Variants in PPP3CA observed in about 807,000 individuals in gnomAD.
The protein encoded by PPP3CA is CAM-PRP catalytic subunit.
A neutral mutation model predicts 66.5 loss-of-function variants in PPP3CA; 14 were observed. The observed-to-expected ratio is 0.21, with a 90% CI of 0.14 to 0.33. The LOEUF is 0.33. PPP3CA is among the 10% of genes least tolerant of loss of function. PPP3CA has a pLI of 1.00. For missense variants in PPP3CA, 317 were observed against 639.5 expected, an observed-to-expected ratio of 0.50 and a Z score of 5.44; for synonymous variants, 232 against 226.2, an observed-to-expected ratio of 1.03 and a Z score of -0.23.
At chr4:101,163,164 A>T (rs989431086) in intron 2 of PPP3CA, among the ~76,000 whole-genome samples, 1 of 152,184 alleles carries the variant, frequency 6.6e-6, no homozygotes, top group Admixed American at 6.5e-5. Flanking sequence ...CAGCTTTGGC[A>T]GGCATTTCCT....
At chr4:101,170,625 T>G (rs956783228) in intron 2 of PPP3CA, among the ~76,000 whole-genome samples, 4 of 152,016 alleles carry the variant, frequency 2.6e-5, no homozygotes, top group Admixed American at 2.6e-4. Flanking sequence ...TCACCATGCT[T>G]GGGTCAACCT....
At chr4:101,158,530 T>C (rs1467067369) in intron 2 of PPP3CA, among the ~76,000 whole-genome samples, 3 of 152,224 alleles carry the variant, frequency 2.0e-5, no homozygotes, top group Non-Finnish European at 4.4e-5. Flanking sequence ...TTTAGGACTT[T>C]GGGCCTCGGT....
At chr4:101,180,567 G>A (rs750585314) in intron 2 of PPP3CA, among the ~76,000 whole-genome samples, 5 of 152,044 alleles carry the variant, frequency 3.3e-5, no homozygotes, top group South Asian at 2.1e-4. Flanking sequence ...GACCTTCCCT[G>A]ATAATTACTG....
intron 2 of PPP3CA, among the ~76,000 whole-genome samples, chr4:101,131,278 A>G (rs762512382): frequency 1.3e-3 from 172 of 132,840 alleles, no homozygotes; most frequent in Non-Finnish European, 1.4e-3. Context: ...ATAAATAAAT[A>G]AAATAAAAAG....
At chr4:101,101,480 C>T (rs951697112) in intron 3 of PPP3CA, among the ~76,000 whole-genome samples, 10 of 152,072 alleles carry the variant, frequency 6.6e-5, no homozygotes, top group Non-Finnish European at 1.0e-4. Flanking sequence ...CCAAATTGGT[C>T]GTTAATTTAG....
At chr4:101,184,237 T>C (rs1724335159) in intron 2 of PPP3CA, among the ~76,000 whole-genome samples, 1 of 152,176 alleles carries the variant, frequency 6.6e-6, no homozygotes. Flanking sequence ...AACAAGGTGA[T>C]GCTTGTAAGT....
At chr4:101,127,583 C>A (rs575659967) in intron 2 of PPP3CA, among the ~76,000 whole-genome samples, 1 of 152,056 alleles carries the variant, frequency 6.6e-6, no homozygotes, top group Non-Finnish European at 1.5e-5. Context: ...AAGAAGGCCC[C>A]GCCTACATCC....
intron 8 of PPP3CA, among the ~76,000 whole-genome samples, chr4:101,075,655 G>T (rs17030739): frequency 6.6e-6 from 1 of 151,874 alleles, no homozygotes; most frequent in Non-Finnish European, 1.5e-5. Context: ...GAGGTTCATT[G>T]CAATTTTTGG....
At position 101,098,508 on chromosome 4, in the gene PPP3CA, T is replaced by C; in HGVS notation, c.501A>G (p.Lys167=). Residue 167 remains lysine (K), a synonymous_variant, in exon 5 of 14, where the codon AAA becomes AAG. Transcript: ENST00000394854. Reference sequence around the variant, plus strand: ...CATATACGCGTTCTGAATACTTTATTTTACCTTTTAGAAGTGATTAAAAGA... The same window carrying C: ...CATATACGCGTTCTGAATACTTTATCTTACCTTTTAGAAGTGATTAAAAGA... The part of the protein sequence containing the change: ...TEYFTFKQEC[K]IKYSERVYDA... The C allele has an allele frequency of 3.1e-6, 5 of 1,602,954 alleles. No homozygotes were observed. Among genetic ancestry groups the C allele is most frequent in the Non-Finnish European group, 4.3e-6 (5 of 1,174,278 alleles).
At chr4:101,154,175 T>C (rs1723233971) in intron 2 of PPP3CA, among the ~76,000 whole-genome samples, 1 of 152,214 alleles carries the variant, frequency 6.6e-6, no homozygotes, top group Admixed American at 6.5e-5. Context: ...TCCTCCACTC[T>C]AAATTACTTC....
chr4:101,305,109 ACTTCC>A (rs1225038123), intron 1 of PPP3CA, among the ~76,000 whole-genome samples: 2 of 152,220 alleles, frequency 1.3e-5, no homozygotes, highest in Non-Finnish European at 2.9e-5. Context: ...CAGCAGAACC[ACTTCC>A]CACATGGGCA....
chr4:101,185,364 T>C (rs895260013), intron 2 of PPP3CA, among the ~76,000 whole-genome samples: 16 of 152,148 alleles, frequency 1.1e-4, no homozygotes, highest in African/African-American at 1.7e-4. Flanking sequence ...CTGAATTTCA[T>C]TGAGGGGCAT....
intron 8 of PPP3CA, among the ~76,000 whole-genome samples, chr4:101,069,733 C>A (rs531294609): frequency 6.6e-6 from 1 of 152,222 alleles, no homozygotes; most frequent in South Asian, 2.1e-4. Context: ...GCCTGCTCAA[C>A]ATGAAGAAGA....
chr4:101,058,845 T>C (rs1264218065), intron 10 of PPP3CA, among the ~76,000 whole-genome samples: 1 of 152,112 alleles, frequency 6.6e-6, no homozygotes, highest in Non-Finnish European at 1.5e-5. Flanking sequence ...ACCTGGTACT[T>C]AGTAGATACT....
chr4:101,144,819 A>G (rs757254701), intron 2 of PPP3CA, among the ~76,000 whole-genome samples: 17 of 152,172 alleles, frequency 1.1e-4, no homozygotes, highest in Non-Finnish European at 1.5e-5. Flanking sequence ...AACCTATTTC[A>G]TATTTTATTT....
intron 10 of PPP3CA, among the ~76,000 whole-genome samples, chr4:101,047,910 A>T (rs1175050049): frequency 6.6e-6 from 1 of 152,052 alleles, no homozygotes; most frequent in East Asian, 1.9e-4. Flanking sequence ...CCTAACTGAG[A>T]TAGAGAGCAC....
chr4:101,181,723 A>T (rs1050866875), intron 2 of PPP3CA, among the ~76,000 whole-genome samples: 1 of 152,148 alleles, frequency 6.6e-6, no homozygotes, highest in Non-Finnish European at 1.5e-5. Context: ...CAATTCTATG[A>T]TTATATGAAT....
rs1728471951 is a variant in PPP3CA, at chr4:101,304,355, CATTT to C, written c.58+42380_58+42383del. On this transcript the variant is annotated intron_variant, in intron 1 of 13. Coordinates refer to ENST00000394854, the MANE Select transcript of PPP3CA (RefSeq NM_000944.5). ...CTATTTAATGGAAATGTCATTTCTT[CATTT>C]CAGTAAGGTTCACTATGTACTGGAA... Among the ~76,000 whole-genome samples the C allele has an allele frequency of 1.1e-4, 16 of 152,218 alleles. 1 individual carries two copies. The highest frequency in any genetic ancestry group is 3.6e-4 in the African/African-American group (15 of 41,540).
intron 10 of PPP3CA, among the ~76,000 whole-genome samples, chr4:101,047,770 G>A (rs886274083): frequency 1.3e-5 from 2 of 151,996 alleles, no homozygotes; most frequent in Non-Finnish European, 2.9e-5. Context: ...TACATTATAT[G>A]TTATATTTAG....
Sources: gnomAD v4.1 joint callset for allele counts (sites outside exome capture counted in the v4.1 genomes callset) on GRCh38, gnomAD v4.1.1 for gene constraint, MANE v1.5 for transcripts, NCBI Gene and HGNC (gene_info 2026-07-23, HGNC 2026-07-21) for gene names.